Variants in SGCD observed in about 807,000 individuals in gnomAD.
SGCD encodes delta-sarcoglycan.
In SGCD, 18 loss-of-function variants were observed where a neutral mutation model predicts 36.6. That is an observed-to-expected ratio of 0.49 (90% CI 0.34 to 0.73). The LOEUF is 0.73. Among genes scored for constraint, SGCD ranks in the 30% least tolerant of loss-of-function variants. The pLI, the probability that SGCD is intolerant of heterozygous loss-of-function variation, is 0.01. For synonymous variants in SGCD, 133 were observed against 130.6 expected, an observed-to-expected ratio of 1.02 and a Z score of -0.12; for missense variants, 387 against 346.7, an observed-to-expected ratio of 1.12 and a Z score of -0.92.
At chr5:156,272,229 T>A (rs114921048) in intron 3 of SGCD, among the ~76,000 whole-genome samples, 135 of 152,292 alleles carry the variant, frequency 8.9e-4, no homozygotes, top group African/African-American at 3.1e-3. Flanking sequence ...TGCCTCTGCA[T>A]CCTCATAGCT....
chr5:156,365,472 T>C (rs1268716099), intron 3 of SGCD, among the ~76,000 whole-genome samples: 1 of 152,216 alleles, frequency 6.6e-6, no homozygotes, highest in Non-Finnish European at 1.5e-5. Context: ...TCTTCTGACC[T>C]GTATTTGTAC....
chr5:156,618,904 C>T (rs1208286440), intron 6 of SGCD, among the ~76,000 whole-genome samples: 1 of 152,114 alleles, frequency 6.6e-6, no homozygotes, highest in Admixed American at 6.5e-5. Flanking sequence ...GCCATTGCAG[C>T]CCTCGGTGGT....
At chr5:156,342,884 C>A (rs1768738431) in intron 2 of SGCD, among the ~76,000 whole-genome samples, 1 of 152,220 alleles carries the variant, frequency 6.6e-6, no homozygotes, top group African/African-American at 2.4e-5. Context: ...GTTTTCCATT[C>A]AATCATTCCA....
At chr5:156,699,774 C>A (rs1174063955) in intron 7 of SGCD, among the ~76,000 whole-genome samples, 1 of 152,168 alleles carries the variant, frequency 6.6e-6, no homozygotes, top group Non-Finnish European at 1.5e-5. Context: ...CAGCACCAGA[C>A]CCTGTTCTTT....
the SGCD span, among the ~76,000 whole-genome samples, chr5:155,758,236 G>T: frequency 1.3e-5 from 2 of 152,040 alleles, no homozygotes; most frequent in Non-Finnish European, 2.9e-5. Context: ...AAATAATAAA[G>T]TTTTCCATGT....
chr5:156,634,710 T>C (rs1762760796), intron 6 of SGCD, among the ~76,000 whole-genome samples: 1 of 152,148 alleles, frequency 6.6e-6, no homozygotes, highest in Non-Finnish European at 1.5e-5. Context: ...ATGACGCATG[T>C]ATTTGTGAAA....
the SGCD span, among the ~76,000 whole-genome samples, chr5:155,765,076 C>G: frequency 6.6e-6 from 1 of 151,794 alleles, no homozygotes; most frequent in African/African-American, 2.4e-5. Context: ...GCCAGTAGCT[C>G]AAGACCAGCC....
chr5:156,518,550 A>G (rs1456066581), intron 4 of SGCD, among the ~76,000 whole-genome samples: 3 of 152,206 alleles, frequency 2.0e-5, no homozygotes, highest in Non-Finnish European at 4.4e-5. Flanking sequence ...TCTTGGCACC[A>G]TATGGCACTT....
intron 1 of SGCD, among the ~76,000 whole-genome samples, chr5:155,925,722 C>A (rs559375114): frequency 2.6e-5 from 4 of 152,180 alleles, no homozygotes; most frequent in African/African-American, 9.6e-5. Context: ...CTCAAGGGAT[C>A]CTCCCACCTC....
At chr5:155,856,713 A>T in the SGCD span, among the ~76,000 whole-genome samples, 1 of 152,232 alleles carries the variant, frequency 6.6e-6, no homozygotes, top group Non-Finnish European at 1.5e-5. Context: ...ACTTCACCAA[A>T]AATATATATG....
At chr5:156,497,495 T>C (rs1756248548) in intron 3 of SGCD, among the ~76,000 whole-genome samples, 1 of 152,080 alleles carries the variant, frequency 6.6e-6, no homozygotes, top group African/African-American at 2.4e-5. Context: ...CTGTAAATCA[T>C]TAAAAGCAAC....
chr5:155,755,211 G>GAA, the SGCD span, among the ~76,000 whole-genome samples: 1 of 152,140 alleles, frequency 6.6e-6, no homozygotes, highest in Admixed American at 6.5e-5. Flanking sequence ...AGTGCTCTAT[G>GAA]AAACATTGAA....
At chr5:156,297,395 C>A (rs2127681882) in intron 3 of SGCD, among the ~76,000 whole-genome samples, 1 of 152,118 alleles carries the variant, frequency 6.6e-6, no homozygotes, top group Non-Finnish European at 1.5e-5. Context: ...ACCCAAATGT[C>A]CATCTATGAT....
At chr5:156,485,263 C>G (rs1755606831) in intron 3 of SGCD, among the ~76,000 whole-genome samples, 1 of 152,124 alleles carries the variant, frequency 6.6e-6, no homozygotes, top group African/African-American at 2.4e-5. Context: ...CTGACATACT[C>G]AAGTTGTACA....
intron 6 of SGCD, among the ~76,000 whole-genome samples, chr5:156,642,721 C>T (rs111725170): frequency 0.038 from 5,798 of 152,092 alleles, 153 homozygotes; most frequent in Non-Finnish European, 0.056. Flanking sequence ...CCTGCCTCAG[C>T]CTCCCAAAGT....
the SGCD span, among the ~76,000 whole-genome samples, chr5:155,849,772 A>G: frequency 6.6e-6 from 1 of 152,188 alleles, no homozygotes; most frequent in Non-Finnish European, 1.5e-5. Context: ...AATGGTTTAG[A>G]TGTATTAATA....
chr5:155,970,193 ATTC>A (rs1261799480), intron 1 of SGCD, among the ~76,000 whole-genome samples: 2 of 151,992 alleles, frequency 1.3e-5, no homozygotes, highest in Non-Finnish European at 2.9e-5. Flanking sequence ...GAGCTTTCCT[ATTC>A]TTCTCTTCCA....
intron 3 of SGCD, among the ~76,000 whole-genome samples, chr5:156,456,945 A>T (rs1199781730): frequency 6.6e-6 from 1 of 152,226 alleles, no homozygotes; most frequent in Non-Finnish European, 1.5e-5. Flanking sequence ...TAGTAAAAAA[A>T]TCACATTAAA....
At chr5:156,527,236 G>A (rs1333724371) in intron 4 of SGCD, among the ~76,000 whole-genome samples, 1 of 151,932 alleles carries the variant, frequency 6.6e-6, no homozygotes, top group Non-Finnish European at 1.5e-5. Flanking sequence ...CTTATAAGAA[G>A]TACATACAGT....
Sources: allele counts gnomAD v4.1 joint callset (sites outside exome capture counted in the v4.1 genomes callset), GRCh38; gene constraint gnomAD v4.1.1; transcripts MANE v1.5; gene names NCBI Gene and HGNC (gene_info 2026-07-23, HGNC 2026-07-21).